Variants in IFT81 observed in about 807,000 individuals in gnomAD.
The protein encoded by IFT81 is intraflagellar transport protein 81 homolog.
IFT81 carries 72 observed loss-of-function variants against 102.6 expected under a neutral mutation model. That is an observed-to-expected ratio of 0.70 (90% confidence interval 0.58 to 0.85). The LOEUF is 0.85. IFT81 is among the 40% of genes least tolerant of loss of function. IFT81 has a pLI of 0.00. For missense variants in IFT81, 723 were observed against 787.3 expected, an observed-to-expected ratio of 0.92 and a Z score of 0.98; for synonymous variants, 237 against 242.7, an observed-to-expected ratio of 0.98 and a Z score of 0.22.
chr12:110,156,241 A>G (rs1410005796), intron 10 of IFT81, among the ~76,000 whole-genome samples: 1 of 152,190 alleles, frequency 6.6e-6, no homozygotes, highest in Non-Finnish European at 1.5e-5. Flanking sequence ...CTCTTAAATT[A>G]TGTAGAGAAC....
intron 17 of IFT81, among the ~76,000 whole-genome samples, chr12:110,207,491 C>T (rs749034059): frequency 2.0e-5 from 3 of 151,378 alleles, no homozygotes; most frequent in Admixed American, 6.6e-5. Flanking sequence ...AATACTGCAG[C>T]GTAGCTTCAC....
intron 12 of IFT81, among the ~76,000 whole-genome samples, chr12:110,184,121 C>T (rs1250012937): frequency 1.3e-5 from 2 of 152,096 alleles, no homozygotes; most frequent in Non-Finnish European, 2.9e-5. Flanking sequence ...GAGGCCGAGG[C>T]GGGTGGATCA....
Position 110,205,541 on chromosome 12 carries a change from T to C in IFT81, c.1716+27T>C, listed in dbSNP as rs1868507805. ...TAAGACAAAGTAGATCAAAAACATTTCTGAGTTTTTTCTATATCAAAGTCT... is the reference window on the plus strand; with the variant it reads ...TAAGACAAAGTAGATCAAAAACATTCCTGAGTTTTTTCTATATCAAAGTCT... On this transcript the variant is annotated intron_variant, in intron 16 of 18. Coordinates refer to ENST00000242591, the MANE Select transcript of IFT81 (RefSeq NM_014055.4). The C allele has an allele frequency of 1.9e-6, 3 of 1,585,218 alleles. No individual in the cohort carries two copies. In the East Asian group the frequency reaches 6.7e-5, roughly 36 times the overall value.
At chr12:110,137,984 G>C (rs1193669488) in intron 8 of IFT81, among the ~76,000 whole-genome samples, 1 of 152,168 alleles carries the variant, frequency 6.6e-6, no homozygotes, top group African/African-American at 2.4e-5. Flanking sequence ...TAACAGCCCA[G>C]ATTACACCAC....
intron 10 of IFT81, among the ~76,000 whole-genome samples, chr12:110,150,776 C>T (rs553434295): frequency 5.9e-5 from 9 of 152,142 alleles, no homozygotes; most frequent in Admixed American, 5.9e-4. Flanking sequence ...AATAAGTTTC[C>T]AGCATCTATT....
At chr12:110,139,766 T>G (rs753740009) in intron 8 of IFT81, among the ~76,000 whole-genome samples, 1 of 146,576 alleles carries the variant, frequency 6.8e-6, no homozygotes, top group African/African-American at 2.6e-5. Context: ...AGAGTGAGAC[T>G]CCATCTCAAA....
chr12:110,126,277 C>CAAA (rs11287085), intron 1 of IFT81, among the ~76,000 whole-genome samples: 2 of 97,536 alleles, frequency 2.1e-5, no homozygotes, highest in Non-Finnish European at 4.3e-5. Context: ...GACTCCGTCT[C>CAAA]AAAAAAAAAA....
At chr12:110,129,589 T>G (rs1894045337) in intron 4 of IFT81, among the ~76,000 whole-genome samples, 1 of 152,102 alleles carries the variant, frequency 6.6e-6, no homozygotes, top group South Asian at 2.1e-4. Flanking sequence ...GCAAAGAACC[T>G]AGGCTTGCAG....
At chr12:110,199,533 A>G (rs1205873103) in intron 14 of IFT81, among the ~76,000 whole-genome samples, 2 of 152,142 alleles carry the variant, frequency 1.3e-5, no homozygotes, top group African/African-American at 2.4e-5. Context: ...CCGTTTGACC[A>G]TAAGATTTGC....
At chr12:110,152,792 C>T (rs1474088085) in intron 10 of IFT81, among the ~76,000 whole-genome samples, 1 of 152,002 alleles carries the variant, frequency 6.6e-6, no homozygotes, top group Non-Finnish European at 1.5e-5. Flanking sequence ...ATGGGATCTT[C>T]CTACAGTGCC....
intron 5 of IFT81, among the ~76,000 whole-genome samples, chr12:110,133,300 C>G (rs1372036675): frequency 6.6e-6 from 1 of 151,890 alleles, no homozygotes; most frequent in East Asian, 1.9e-4. Flanking sequence ...ATCATATTTT[C>G]TAAATTTTCT....
intron 11 of IFT81, among the ~76,000 whole-genome samples, chr12:110,164,491 A>G (rs1248220992): frequency 6.6e-6 from 1 of 152,044 alleles, no homozygotes; most frequent in African/African-American, 2.4e-5. Flanking sequence ...ATCTCAGCAA[A>G]AGCTATCGTG....
Position 110,203,907 on chromosome 12 carries a change from G to A in IFT81, c.1601G>A (p.Ser534Asn), listed in dbSNP as rs1898434289. Residue 534 changes from serine (S) to asparagine (N), a missense_variant, in exon 15 of 19, where the codon AGC becomes AAC. Ser to Asn is a conservative substitution (Grantham distance 46). Transcript: ENST00000242591. ...ECDEKKSQYDSCAAGLESNRS... is the reference protein window; with the variant it reads ...ECDEKKSQYDNCAAGLESNRS... ...GATGAAAAGAAATCCCAGTATGATA[G>A]CTGTGCAGCAGGCCTCGAAAGCAAT... The A allele has an allele frequency of 1.2e-6, 2 of 1,613,668 alleles. No individual in the cohort carries two copies. The highest frequency in any genetic ancestry group is 1.7e-5 in the Admixed American group (1 of 59,986).
intron 10 of IFT81, among the ~76,000 whole-genome samples, chr12:110,151,336 G>A (rs1288232839): frequency 6.6e-6 from 1 of 152,140 alleles, no homozygotes; most frequent in Non-Finnish European, 1.5e-5. Flanking sequence ...GTCCATCCAT[G>A]TTGTAGTATA....
At chr12:110,135,478 A>G (rs1593281854) in intron 7 of IFT81, 41 bp downstream of exon 7, 1 of 1,159,390 alleles carries the variant, frequency 8.6e-7, no homozygotes, top group Admixed American at 2.1e-5. Context: ...TGAAGGAAAT[A>G]GTTCCTTCTC....
chr12:110,185,265 A>G (rs1466829132), intron 12 of IFT81, among the ~76,000 whole-genome samples: 1 of 152,036 alleles, frequency 6.6e-6, no homozygotes, highest in Non-Finnish European at 1.5e-5. Flanking sequence ...AGCTCACAGC[A>G]ACCTCCGCCC....
At chr12:110,188,774 A>G (rs1897665356) in intron 12 of IFT81, among the ~76,000 whole-genome samples, 1 of 151,550 alleles carries the variant, frequency 6.6e-6, no homozygotes, top group Non-Finnish European at 1.5e-5. Flanking sequence ...AATACAAAAA[A>G]AAAAAAAAAT....
chr12:110,126,566 A>G (rs1376457577), intron 1 of IFT81, among the ~76,000 whole-genome samples: 2 of 152,224 alleles, frequency 1.3e-5, no homozygotes, highest in Non-Finnish European at 1.5e-5. Context: ...GACTGTTTCA[A>G]TAGGCTGAAG....
At chr12:110,190,309 T>G (rs1441729233) in intron 12 of IFT81, among the ~76,000 whole-genome samples, 1 of 152,178 alleles carries the variant, frequency 6.6e-6, no homozygotes, top group Non-Finnish European at 1.5e-5. Context: ...CTTGAACTGG[T>G]CAAGTTTGCT....
Sources: allele counts gnomAD v4.1 joint callset (sites outside exome capture counted in the v4.1 genomes callset), GRCh38; gene constraint gnomAD v4.1.1; transcripts MANE v1.5; gene names NCBI Gene and HGNC (gene_info 2026-07-23, HGNC 2026-07-21).